The following CCDC178 variants were observed in gnomAD, a reference collection of about 807,000 sequenced individuals.
CCDC178 encodes coiled-coil domain containing 178.
Under a neutral mutation model 117.4 loss-of-function variants are expected in CCDC178, and 126 were observed. The ratio of observed to expected loss-of-function variants is 1.07; its 90% confidence interval spans 0.93 to 1.24. The LOEUF (loss-of-function observed/expected upper bound fraction) is 1.24, where lower values mean the gene tolerates loss of function less well. Among genes scored for constraint, CCDC178 ranks in the 50% most tolerant of loss-of-function variants. The pLI, the probability that CCDC178 is intolerant of heterozygous loss-of-function variation, is 0.00. For missense variants in CCDC178, 1,030 were observed against 986.9 expected (o/e 1.04, Z -0.59); for synonymous variants, 283 against 313.4 (o/e 0.90, Z 1.02).
At chr18:33,002,023 T>C (rs2055646405) in intron 21 of CCDC178, among the ~76,000 whole-genome samples, 1 of 152,162 alleles carries the variant, frequency 6.6e-6, no homozygotes, top group East Asian at 1.9e-4. Context: ...CATCCAGATA[T>C]GTAAAGCAAA....
rs71159804 is a variant in CCDC178, at chr18:33,179,078, A to AAAATATAT, written c.2238+32817_2238+32818insATATATTT. 7.2e-4 allele frequency among the ~76,000 whole-genome samples: 40 copies of AAAATATAT among 55,810 alleles called. 3 individuals carry two copies. Among genetic ancestry groups the AAAATATAT allele is most frequent in the African/African-American group, 2.7e-3 (24 of 8,834 alleles). 36.6% of individuals were successfully genotyped at this position (55,810 alleles called of 152,430 possible). A position where few individuals can be genotyped will look rare whatever the true frequency, so the allele number is the denominator to read the frequency against. ...ACTCAGTAAAAAAAAAAAAAAAAAA[A>AAAATATAT]ATATATATATATATATATATATATA... On this transcript the variant is annotated intron_variant, in intron 20 of 22. Transcript: ENST00000383096.
chr18:33,070,226 G>T (rs993100923), intron 21 of CCDC178, among the ~76,000 whole-genome samples: 1 of 152,018 alleles, frequency 6.6e-6, no homozygotes. Context: ...ACCTGCACCC[G>T]CATGTTTATT....
At chr18:33,120,538 T>C (rs1014136541) in intron 20 of CCDC178, among the ~76,000 whole-genome samples, 6 of 152,178 alleles carry the variant, frequency 3.9e-5, no homozygotes, top group African/African-American at 1.4e-4. Flanking sequence ...TAATCATTGT[T>C]ATGTCCACTG....
intron 20 of CCDC178, among the ~76,000 whole-genome samples, chr18:33,132,027 A>C (rs868066765): frequency 6.6e-6 from 1 of 151,296 alleles, no homozygotes; most frequent in African/African-American, 2.4e-5. Flanking sequence ...TAGCTAAGAC[A>C]TCTCTCTTTT....
chr18:33,394,943 GTATATATATATATATATATATA>G (rs61298209), intron 4 of CCDC178, among the ~76,000 whole-genome samples: 50 of 61,506 alleles, frequency 8.1e-4, no homozygotes, highest in South Asian at 1.1e-3. Context: ...ATATGTATGT[GTATATATATATATATATATATA>G]TATATATATA....
chr18:33,393,777 A>G lies in CCDC178; in HGVS notation c.118+3372T>C, dbSNP rs1331012258. On this transcript the variant is annotated intron_variant, in intron 4 of 22. Transcript: ENST00000383096. ...GTTGTTTCCAGTTTTCACTGTTATG[A>G]ATAAAGTTATATGAATGGTCTGGGA... Among the ~76,000 whole-genome samples, 3 of 152,058 alleles carry G rather than the reference A, an allele frequency of 2.0e-5. No homozygotes were observed. In the East Asian group the frequency reaches 5.8e-4, roughly 29 times the overall value.
chr18:33,032,858 T>C (rs2056371488), intron 21 of CCDC178, among the ~76,000 whole-genome samples: 1 of 152,130 alleles, frequency 6.6e-6, no homozygotes, highest in Admixed American at 6.6e-5. Context: ...GAAGGAAATC[T>C]GACACCCTTA....
chr18:33,097,808 C>T (rs922024902), intron 20 of CCDC178, among the ~76,000 whole-genome samples: 2 of 152,076 alleles, frequency 1.3e-5, no homozygotes, highest in African/African-American at 4.8e-5. Context: ...ATAGGTAAAA[C>T]AGGCCACTTA....
At chr18:33,314,532 A>C (rs2062391853) in intron 11 of CCDC178, among the ~76,000 whole-genome samples, 1 of 152,198 alleles carries the variant, frequency 6.6e-6, no homozygotes, top group African/African-American at 2.4e-5. Flanking sequence ...TTGTGAGCTA[A>C]GACTGGTCCA....
chr18:33,150,169 A>G (rs1020783108), intron 20 of CCDC178, among the ~76,000 whole-genome samples: 13 of 152,174 alleles, frequency 8.5e-5, no homozygotes, highest in Admixed American at 1.3e-4. Context: ...GGTGCTGGGA[A>G]AACTGGGAGG....
intron 21 of CCDC178, among the ~76,000 whole-genome samples, chr18:33,053,365 T>C (rs180720613): frequency 1.3e-5 from 2 of 152,306 alleles, no homozygotes; most frequent in East Asian, 3.9e-4. Flanking sequence ...AACACATTTA[T>C]TACAGTGATT....
intron 22 of CCDC178, among the ~76,000 whole-genome samples, chr18:32,946,401 TATCATTTG>T (rs2054348367): frequency 6.6e-6 from 1 of 152,198 alleles, no homozygotes; most frequent in Non-Finnish European, 1.5e-5. Context: ...GACAGAGAAA[TATCATTTG>T]ACAAATATTC....
chr18:33,245,099 G>A (rs1298620335), intron 15 of CCDC178, 146 bp downstream of exon 15: 1 of 679,524 alleles, frequency 1.5e-6, no homozygotes, highest in African/African-American at 1.9e-5. Context: ...GGAGAGAGGT[G>A]GTTTTCTTCT....
intron 20 of CCDC178, among the ~76,000 whole-genome samples, chr18:33,096,844 A>G (rs1230341784): frequency 1.3e-5 from 2 of 152,094 alleles, no homozygotes; most frequent in Non-Finnish European, 2.9e-5. Context: ...AAAAGCTAAT[A>G]TTAGGGAGTG....
chr18:33,374,638 A>T, intron 5 of CCDC178, among the ~76,000 whole-genome samples: 1 of 152,104 alleles, frequency 6.6e-6, no homozygotes, highest in Admixed American at 6.6e-5. Flanking sequence ...ATATTTCCCC[A>T]TGACAAATAA....
intron 20 of CCDC178, among the ~76,000 whole-genome samples, chr18:33,107,315 A>G (rs1018049690): frequency 2.6e-5 from 4 of 151,710 alleles, no homozygotes; most frequent in African/African-American, 9.7e-5. Flanking sequence ...ATGAATTATT[A>G]ATAAATAAAT....
intron 6 of CCDC178, among the ~76,000 whole-genome samples, chr18:33,359,846 T>C (rs1022668200): frequency 1.3e-5 from 2 of 151,342 alleles, no homozygotes; most frequent in Non-Finnish European, 3.0e-5. Flanking sequence ...AAACACTTCA[T>C]TTACTTACAG....
intron 12 of CCDC178, among the ~76,000 whole-genome samples, chr18:33,292,075 G>C (rs2060172827): frequency 6.7e-6 from 1 of 150,296 alleles, no homozygotes; most frequent in South Asian, 2.1e-4. Flanking sequence ...CAATCCCACT[G>C]CTGGTTATAT....
At chr18:33,391,213 A>C (rs2063560325) in intron 4 of CCDC178, among the ~76,000 whole-genome samples, 2 of 151,744 alleles carry the variant, frequency 1.3e-5, no homozygotes, top group Non-Finnish European at 2.9e-5. Context: ...ACAAATCTAG[A>C]CCTTAAGCTC....
Sources: allele counts gnomAD v4.1 joint callset (sites outside exome capture counted in the v4.1 genomes callset), GRCh38; gene constraint gnomAD v4.1.1; transcripts MANE v1.5; gene names NCBI Gene and HGNC (gene_info 2026-07-23, HGNC 2026-07-21).